Variants in DIP2B observed in about 807,000 individuals in gnomAD.
The protein encoded by DIP2B is disco-interacting protein 2 homolog B.
A neutral mutation model predicts 198.0 loss-of-function variants in DIP2B; 76 were observed. The observed-to-expected ratio is 0.38, with a 90% confidence interval of 0.32 to 0.46. The LOEUF (loss-of-function observed/expected upper bound fraction) is 0.46, where lower values mean the gene tolerates loss of function less well. Ranked by LOEUF, DIP2B falls within the 20% of genes least tolerant of loss-of-function variation. The probability of loss-of-function intolerance (pLI) is 0.99; values close to 1 mark genes in which losing one functional copy is unlikely to be tolerated. For synonymous variants in DIP2B, 701 were observed against 739.1 expected, an observed-to-expected ratio of 0.95 and a Z score of 0.84; for missense variants, 1,559 against 1,978.4, an observed-to-expected ratio of 0.79 and a Z score of 4.02.
intron 1 of DIP2B, among the ~76,000 whole-genome samples, chr12:50,544,186 G>A (rs981281722): frequency 1.3e-5 from 2 of 149,440 alleles, no homozygotes; most frequent in Admixed American, 1.3e-4. Flanking sequence ...TCATGCCACT[G>A]CCACTCCAGC....
intron 35 of DIP2B, among the ~76,000 whole-genome samples, chr12:50,738,278 G>A (rs1413058327): frequency 2.6e-5 from 4 of 151,918 alleles, no homozygotes; most frequent in South Asian, 2.1e-4. Context: ...GCAGTGAGCC[G>A]AGATCACGTC....
At position 50,714,465 on chromosome 12, in the gene DIP2B, C is replaced by T; in HGVS notation, c.2720C>T (p.Thr907Ile). The change falls in exon 23 of 38, where the codon ACT (threonine) becomes ATT (isoleucine). Residue 907 changes from threonine to isoleucine, a missense_variant. Physicochemically the swap from Thr to Ile is moderately conservative, Grantham distance 89. Transcript: ENST00000301180. ...GTGCCAGCCAATACATTGCCAAAAA[C>T]TCCACTAGGAGGAATCCATATATCT... is the stretch of plus-strand genomic sequence containing the variant. ...ALVPANTLPK[T>I]PLGGIHISQT... 2 of 1,614,212 alleles carry T rather than the reference C, an allele frequency of 1.2e-6. No homozygotes were observed. Among genetic ancestry groups the T allele is most frequent in the East Asian group, 2.2e-5 (1 of 44,882 alleles).
intron 1 of DIP2B, among the ~76,000 whole-genome samples, chr12:50,597,743 C>T (rs896264466): frequency 9.9e-5 from 15 of 152,076 alleles, no homozygotes; most frequent in African/African-American, 3.1e-4. Flanking sequence ...CCTGTTTAGC[C>T]GAAACAACAG....
At chr12:50,523,937 C>G (rs1338764372) in intron 1 of DIP2B, among the ~76,000 whole-genome samples, 2 of 152,118 alleles carry the variant, frequency 1.3e-5, no homozygotes, top group African/African-American at 4.8e-5. Flanking sequence ...AAAGAAAAGC[C>G]TCTTCCTGCA....
chr12:50,657,297 G>C (rs1938571903), intron 3 of DIP2B, among the ~76,000 whole-genome samples: 2 of 150,046 alleles, frequency 1.3e-5, no homozygotes, highest in East Asian at 2.0e-4. Flanking sequence ...GAGTTGAAAG[G>C]TTGACAAAGT....
In DIP2B at chr12:50,671,292, A is replaced by C; in HGVS notation, c.534A>C (p.Ser178=). 1 of 1,614,164 alleles carries C rather than the reference A, an allele frequency of 6.2e-7. No homozygotes were observed. The highest frequency in any genetic ancestry group is 2.2e-5 in the East Asian group (1 of 44,882). ...ATGCTGAGTCCTGGATCAACCGTTC[A>C]ATTCAGGGATCGTCCACTTCTTCAT... ...LQNAESWINR[S]IQGSSTSSSA... Residue 178 remains serine (S), a synonymous_variant, in exon 5 of 38, where the codon TCA becomes TCC. Transcript: ENST00000301180.
chr12:50,729,278 C>T (rs1305945803), intron 30 of DIP2B, among the ~76,000 whole-genome samples: 1 of 152,160 alleles, frequency 6.6e-6, no homozygotes, highest in African/African-American at 2.4e-5. Flanking sequence ...TGTAGGGGCC[C>T]ACACTAGAAA....
chr12:50,565,393 T>C (rs1014737288), intron 1 of DIP2B, among the ~76,000 whole-genome samples: 2 of 152,116 alleles, frequency 1.3e-5, no homozygotes, highest in African/African-American at 4.8e-5. Context: ...CCTCCTGGGT[T>C]CATGCCATTC....
In DIP2B at chr12:50,731,358, T is replaced by C. The variant is rs1940039395; in HGVS notation, c.3642-11T>C. On this transcript the variant is annotated splice_polypyrimidine_tract_variant and intron_variant, in intron 30 of 37. Transcript: ENST00000301180. ...AATTGATGATTCCAGCTCTTGTCTC[T>C]TTCACTGCAGTGTCTATTCAGGCCA... 1 of 1,610,814 alleles carries C rather than the reference T, an allele frequency of 6.2e-7. No individual in the cohort carries two copies. Among genetic ancestry groups the C allele is most frequent in the South Asian group, 1.1e-5 (1 of 90,758 alleles).
intron 20 of DIP2B, among the ~76,000 whole-genome samples, chr12:50,705,240 A>G (rs1447723425): frequency 4.6e-5 from 7 of 152,220 alleles, no homozygotes; most frequent in African/African-American, 1.7e-4. Flanking sequence ...ATCTTCAGTC[A>G]TATAAGAGAT....
chr12:50,744,956 T>C lies in DIP2B; in HGVS notation c.*117T>C, dbSNP rs1940322124. The C allele has an allele frequency of 2.4e-6, 3 of 1,252,942 alleles. No individual in the cohort carries two copies. 77.6% of individuals were successfully genotyped at this position (1,252,942 alleles called of 1,614,324 possible). A position where few individuals can be genotyped will look rare whatever the true frequency, so the allele number is the denominator to read the frequency against. ...AGCTGAGATGGCTACATGATATTCT[T>C]CATCTCATCCTGTGGGATTCTGCAA... On this transcript the variant is annotated 3_prime_UTR_variant, in exon 38 of 38. Coordinates refer to ENST00000301180, the MANE Select transcript of DIP2B (RefSeq NM_173602.3).
At position 50,675,394 on chromosome 12, in the gene DIP2B, A is replaced by G; in HGVS notation, c.862A>G (p.Lys288Glu). The change falls in exon 7 of 38, where the codon AAA becomes GAA. Residue 288 changes from lysine (K) to glutamate (E), a missense_variant. By Grantham distance (56) the Lys-to-Glu change is moderately conservative (BLOSUM62 1). Coordinates refer to ENST00000301180, the MANE Select transcript of DIP2B (RefSeq NM_173602.3). ...QQLLNTLKRP[K>E]RPPLKEFFVD... Reference sequence around the variant, plus strand: ...GCTTCTGAACACTCTGAAACGACCCAAAAGGCCTCCCTTAAAGGAATTTTT... The same window carrying G: ...GCTTCTGAACACTCTGAAACGACCCGAAAGGCCTCCCTTAAAGGAATTTTT... 1 of 1,613,856 alleles carries G rather than the reference A, an allele frequency of 6.2e-7. No homozygotes were observed. The highest frequency in any genetic ancestry group is 8.5e-7 in the Non-Finnish European group (1 of 1,179,824).
chr12:50,518,503 C>T (rs1443564033), intron 1 of DIP2B, among the ~76,000 whole-genome samples: 1 of 152,182 alleles, frequency 6.6e-6, no homozygotes, highest in African/African-American at 2.4e-5. Flanking sequence ...GCCACAACGC[C>T]CGGCCCTTGG....
chr12:50,516,241 C>A (rs11169471), intron 1 of DIP2B, among the ~76,000 whole-genome samples: 137 of 141,096 alleles, frequency 9.7e-4, no homozygotes, highest in African/African-American at 2.4e-3. Flanking sequence ...CTCTCTCTCT[C>A]TCTCTATCTC....
intron 31 of DIP2B, among the ~76,000 whole-genome samples, chr12:50,731,908 T>C (rs573704623): frequency 1.3e-5 from 2 of 152,348 alleles, no homozygotes; most frequent in South Asian, 4.1e-4. Context: ...GGGTAACTCA[T>C]TGATTCATGT....
chr12:50,734,238 A>T, intron 33 of DIP2B, 42 bp downstream of exon 33: 1 of 1,605,552 alleles, frequency 6.2e-7, no homozygotes, highest in Non-Finnish European at 8.5e-7. Flanking sequence ...CTAGTTCCTA[A>T]GCATAACAAA....
At chr12:50,612,320 C>A (rs923332414) in intron 1 of DIP2B, among the ~76,000 whole-genome samples, 4 of 152,238 alleles carry the variant, frequency 2.6e-5, no homozygotes, top group African/African-American at 7.2e-5. Context: ...CCTGAGGGCC[C>A]TTCTGTGATT....
At position 50,625,965 on chromosome 12, in the gene DIP2B, T is replaced by G; in HGVS notation, c.101-11T>G. 1.2e-6 allele frequency: 2 copies of G among 1,613,450 alleles called. No individual in the cohort carries two copies. Among genetic ancestry groups the G allele is most frequent in the Non-Finnish European group, 1.7e-6 (2 of 1,179,600 alleles). ...TAATGCATAACCTATTTCTGTTTCT[T>G]GCTATTTTAGGGGACATCACCCAGA... is the stretch of plus-strand genomic sequence containing the variant. On this transcript the variant is annotated splice_polypyrimidine_tract_variant and intron_variant, in intron 1 of 37. Transcript: ENST00000301180.
At chr12:50,513,214 A>G (rs188716711) in intron 1 of DIP2B, among the ~76,000 whole-genome samples, 21 of 152,300 alleles carry the variant, frequency 1.4e-4, no homozygotes, top group South Asian at 6.2e-4. Context: ...ATATGAAGTG[A>G]TGAATGGAAT....
Sources: gnomAD v4.1 joint callset for allele counts (sites outside exome capture counted in the v4.1 genomes callset) on GRCh38, gnomAD v4.1.1 for gene constraint, MANE v1.5 for transcripts, NCBI Gene and HGNC (gene_info 2026-07-23, HGNC 2026-07-21) for gene names.